The following BICC1 variants were observed in gnomAD, a reference collection of about 807,000 sequenced individuals.
BICC1 encodes protein bicaudal C homolog 1.
BICC1 carries 43 observed loss-of-function variants against 111.0 expected under a neutral mutation model. The observed-to-expected ratio is 0.39, with a 90% CI of 0.30 to 0.50. BICC1 has a LOEUF of 0.50. Among genes scored for constraint, BICC1 ranks in the 20% least tolerant of loss-of-function variants. The pLI is 0.88. For synonymous variants in BICC1, 467 were observed against 434.4 expected, an observed-to-expected ratio of 1.07 and a Z score of -0.93; for missense variants, 1,091 against 1,203.2, an observed-to-expected ratio of 0.91 and a Z score of 1.38.
Position 58,798,347 on chromosome 10 carries a change from T to C in BICC1, c.1367-52T>C. Reference sequence around the variant, plus strand: ...AATGGCAATATTGGTGCCATCTCTATTTTAAAATCTTAAATTTATGTGAAT... The same window carrying C: ...AATGGCAATATTGGTGCCATCTCTACTTTAAAATCTTAAATTTATGTGAAT... On this transcript the variant is annotated intron_variant, in intron 10 of 20. Coordinates refer to ENST00000373886, the MANE Select transcript of BICC1 (RefSeq NM_001080512.3). The C allele has an allele frequency of 2.1e-6, 3 of 1,398,886 alleles. No homozygotes were observed. The South Asian group carries it at 4.6e-5, about 21-fold the overall frequency. The allele number at this position is 1,398,886 out of a possible 1,614,324, so 86.7% of individuals were successfully genotyped here.
At chr10:58,690,383 T>C (rs1308072221) in intron 2 of BICC1, among the ~76,000 whole-genome samples, 1 of 152,212 alleles carries the variant, frequency 6.6e-6, no homozygotes, top group Non-Finnish European at 1.5e-5. Flanking sequence ...GAAGGGACCA[T>C]GGATTCCAGA....
At chr10:58,566,837 G>T (rs1843779869) in intron 1 of BICC1, among the ~76,000 whole-genome samples, 1 of 152,042 alleles carries the variant, frequency 6.6e-6, no homozygotes, top group African/African-American at 2.4e-5. Flanking sequence ...GAATGTGTGT[G>T]CATTCTTCTG....
At position 58,799,267 on chromosome 10, in the gene BICC1, C is replaced by G; in HGVS notation, c.1725+15C>G. 6.4e-7 allele frequency: 1 copy of G among 1,566,094 alleles called. No homozygotes were observed. Among genetic ancestry groups the G allele is most frequent in the Non-Finnish European group, 8.7e-7 (1 of 1,153,340 alleles). On this transcript the variant is annotated intron_variant, in intron 12 of 20. Coordinates refer to ENST00000373886, the MANE Select transcript of BICC1 (RefSeq NM_001080512.3). ...GACATGCACAGGTAATGGCCTTCTG[C>G]CAGAATGTGTGTGTGATCTGTACTG...
intron 1 of BICC1, among the ~76,000 whole-genome samples, chr10:58,582,115 A>G (rs1005511703): frequency 6.6e-6 from 1 of 152,178 alleles, no homozygotes; most frequent in African/African-American, 2.4e-5. Flanking sequence ...CCTTTCCAAT[A>G]TCCAGCTGGA....
intron 1 of BICC1, among the ~76,000 whole-genome samples, chr10:58,572,597 A>G (rs1843993268): frequency 6.6e-6 from 1 of 152,164 alleles, no homozygotes; most frequent in Admixed American, 6.6e-5. Context: ...AACTTTATTC[A>G]GTGTTGTAAT....
chr10:58,759,829 G>A (rs1321601926), intron 3 of BICC1, among the ~76,000 whole-genome samples: 2 of 151,964 alleles, frequency 1.3e-5, no homozygotes, highest in African/African-American at 2.4e-5. Flanking sequence ...CTTGGTGGTG[G>A]GCGCCTGTCG....
At chr10:58,727,212 CTTTA>C (rs1841134725) in intron 3 of BICC1, among the ~76,000 whole-genome samples, 2 of 151,914 alleles carry the variant, frequency 1.3e-5, no homozygotes, top group Non-Finnish European at 2.9e-5. Context: ...GATTTAAATT[CTTTA>C]TTTTATTCAT....
chr10:58,801,324 T>C (rs1843540428), intron 14 of BICC1, among the ~76,000 whole-genome samples: 1 of 152,210 alleles, frequency 6.6e-6, no homozygotes, highest in African/African-American at 2.4e-5. Flanking sequence ...CTCTCTGCTC[T>C]TCAGTAATCA....
rs4948310 is a variant in BICC1, at chr10:58,674,618, A to C, written c.238-27456A>C. 4.2e-3 allele frequency among the ~76,000 whole-genome samples: 639 copies of C among 152,274 alleles called. 13 individuals are homozygous for C. The highest frequency in any genetic ancestry group is 0.015 in the African/African-American group (608 of 41,534). On this transcript the variant is annotated intron_variant, in intron 2 of 20. Coordinates refer to ENST00000373886, the MANE Select transcript of BICC1 (RefSeq NM_001080512.3). The stretch of plus-strand genomic sequence containing the variant: ...TACCTGAGGGCCGCTTGAAGGACCA[A>C]TTCAAATAGAGTAGTAATACATCAT...
chr10:58,555,376 G>A (rs576994090), intron 1 of BICC1, among the ~76,000 whole-genome samples: 1 of 136,938 alleles, frequency 7.3e-6, no homozygotes, highest in Non-Finnish European at 1.5e-5. Flanking sequence ...ACTAAATGTT[G>A]CAACTTGTGG....
chr10:58,721,137 C>T (rs890688712), intron 3 of BICC1, among the ~76,000 whole-genome samples: 15 of 152,224 alleles, frequency 9.9e-5, no homozygotes, highest in Admixed American at 9.8e-4. Context: ...TTTTCCCCTT[C>T]TCTTCGTGGG....
intron 1 of BICC1, among the ~76,000 whole-genome samples, chr10:58,548,830 T>C (rs1470036790): frequency 1.3e-5 from 2 of 152,132 alleles, no homozygotes; most frequent in Non-Finnish European, 2.9e-5. Flanking sequence ...GGTCGTGCTC[T>C]GTCACATAGG....
intron 8 of BICC1, among the ~76,000 whole-genome samples, chr10:58,791,124 T>C (rs1030246130): frequency 6.6e-6 from 1 of 152,248 alleles, no homozygotes; most frequent in Non-Finnish European, 1.5e-5. Flanking sequence ...AAATTTGTCA[T>C]GATTTTTTTT....
chr10:58,626,349 CTTTATACT>C (rs1368627917), intron 2 of BICC1, among the ~76,000 whole-genome samples: 1 of 152,166 alleles, frequency 6.6e-6, no homozygotes, highest in East Asian at 1.9e-4. Flanking sequence ...ATCATGTTTT[CTTTATACT>C]ACTGTCTAGA....
chr10:58,701,598 C>A (rs1840237254), intron 2 of BICC1, among the ~76,000 whole-genome samples: 1 of 152,150 alleles, frequency 6.6e-6, no homozygotes, highest in African/African-American at 2.4e-5. Context: ...TAATGAAATA[C>A]AAATGCACCC....
At chr10:58,808,161 G>A (rs1405211607) in intron 17 of BICC1, among the ~76,000 whole-genome samples, 3 of 151,856 alleles carry the variant, frequency 2.0e-5, no homozygotes, top group Non-Finnish European at 4.4e-5. Flanking sequence ...TTCATTTTGG[G>A]AGTTATAGTA....
intron 3 of BICC1, among the ~76,000 whole-genome samples, chr10:58,750,685 AC>A (rs1227303560): frequency 6.6e-6 from 1 of 152,194 alleles, no homozygotes; most frequent in Non-Finnish European, 1.5e-5. Context: ...TGGATATTAT[AC>A]ATAATGGATT....
At chr10:58,710,833 A>G (rs1258800257) in intron 3 of BICC1, among the ~76,000 whole-genome samples, 1 of 151,908 alleles carries the variant, frequency 6.6e-6, no homozygotes, top group Non-Finnish European at 1.5e-5. Flanking sequence ...TGGGTAGAAA[A>G]ATGTGTGGTT....
intron 18 of BICC1, among the ~76,000 whole-genome samples, chr10:58,815,217 G>A (rs1269923944): frequency 2.6e-5 from 4 of 152,136 alleles, no homozygotes; most frequent in South Asian, 2.1e-4. Context: ...CAGTTGTTAC[G>A]TTACTATCAC....
Sources: allele counts gnomAD v4.1 joint callset (sites outside exome capture counted in the v4.1 genomes callset), GRCh38; gene constraint gnomAD v4.1.1; transcripts MANE v1.5; gene names NCBI Gene and HGNC (gene_info 2026-07-23, HGNC 2026-07-21).